Variants in CTNNA2 observed in about 807,000 individuals in gnomAD.
The protein encoded by CTNNA2 is catenin alpha 2.
CTNNA2 carries 42 observed loss-of-function variants against 101.0 expected under a neutral mutation model. The observed-to-expected ratio is 0.42, with a 90% CI of 0.32 to 0.54. The LOEUF (loss-of-function observed/expected upper bound fraction) is 0.54, where lower values mean the gene tolerates loss of function less well. CTNNA2 is among the 20% of genes least tolerant of loss of function. CTNNA2 has a pLI of 0.14. For synonymous variants in CTNNA2, 450 were observed against 456.4 expected, an observed-to-expected ratio of 0.99 and a Z score of 0.18; for missense variants, 871 against 1,223.1, an observed-to-expected ratio of 0.71 and a Z score of 4.29.
intron 4 of CTNNA2, among the ~76,000 whole-genome samples, chr2:79,408,350 A>G (rs182364020): frequency 3.0e-3 from 455 of 151,538 alleles, no homozygotes; most frequent in African/African-American, 0.011. Context: ...CATGTACACA[A>G]TGTGCAGGTT....
intron 7 of CTNNA2, among the ~76,000 whole-genome samples, chr2:80,014,024 A>G (rs1173512887): frequency 2.0e-5 from 3 of 152,200 alleles, no homozygotes; most frequent in South Asian, 4.1e-4. Flanking sequence ...AGGATTTACA[A>G]TGTAGGACTA....
At chr2:80,036,864 AGAG>A (rs1695702231) in intron 7 of CTNNA2, among the ~76,000 whole-genome samples, 2 of 151,618 alleles carry the variant, frequency 1.3e-5, no homozygotes, top group African/African-American at 4.8e-5. Context: ...AGAGAGAGAG[AGAG>A]AGAGAGAGAG....
At chr2:79,771,107 C>T (rs868167778) in intron 3 of CTNNA2, among the ~76,000 whole-genome samples, 2 of 152,140 alleles carry the variant, frequency 1.3e-5, no homozygotes, top group South Asian at 2.1e-4. Context: ...ATCAAACTAC[C>T]TATTATGTGG....
At chr2:80,582,473 C>T (rs1000833797) in intron 14 of CTNNA2, among the ~76,000 whole-genome samples, 1 of 152,026 alleles carries the variant, frequency 6.6e-6, no homozygotes, top group Non-Finnish European at 1.5e-5. Flanking sequence ...GAGAGAGTAC[C>T]AGCTCTGCCT....
At chr2:80,236,202 G>A (rs1363904007) in intron 7 of CTNNA2, among the ~76,000 whole-genome samples, 1 of 151,964 alleles carries the variant, frequency 6.6e-6, no homozygotes, top group East Asian at 1.9e-4. Context: ...TTCTTTATCT[G>A]GTCTGTCACT....
chr2:80,581,424 C>G (rs895502254), intron 13 of CTNNA2, among the ~76,000 whole-genome samples: 1 of 152,130 alleles, frequency 6.6e-6, no homozygotes, highest in African/African-American at 2.4e-5. Context: ...GGAAATAATA[C>G]ACAGATATCA....
chr2:79,432,127 T>C (rs1317359439), intron 4 of CTNNA2, among the ~76,000 whole-genome samples: 1 of 152,186 alleles, frequency 6.6e-6, no homozygotes, highest in Non-Finnish European at 1.5e-5. Context: ...AATTAGTCAG[T>C]AGCACAGGCT....
At chr2:80,501,581 TTAAAA>T (rs2149533622) in intron 9 of CTNNA2, among the ~76,000 whole-genome samples, 1 of 152,314 alleles carries the variant, frequency 6.6e-6, no homozygotes, top group African/African-American at 2.4e-5. Context: ...TATCATACCT[TTAAAA>T]TTCTCTTATG....
intron 3 of CTNNA2, among the ~76,000 whole-genome samples, chr2:79,795,635 A>T (rs1386789788): frequency 6.6e-6 from 1 of 152,186 alleles, no homozygotes; most frequent in African/African-American, 2.4e-5. Flanking sequence ...TGTTTTATAC[A>T]GGCTACATTG....
At chr2:80,093,919 G>A (rs1425850801) in intron 7 of CTNNA2, among the ~76,000 whole-genome samples, 1 of 151,818 alleles carries the variant, frequency 6.6e-6, no homozygotes, top group Non-Finnish European at 1.5e-5. Context: ...TTTGTCAGAT[G>A]AGTAGGTTGC....
At chr2:79,627,620 C>G (rs1012692927) in intron 1 of CTNNA2, among the ~76,000 whole-genome samples, 3 of 152,188 alleles carry the variant, frequency 2.0e-5, no homozygotes, top group African/African-American at 7.2e-5. Context: ...TGGTACATCT[C>G]TATTAAATCT....
chr2:80,209,323 T>C (rs973015440), intron 7 of CTNNA2, among the ~76,000 whole-genome samples: 12 of 151,722 alleles, frequency 7.9e-5, no homozygotes, highest in Admixed American at 6.6e-4. Flanking sequence ...TGCCTCAGCC[T>C]CCTGACTACC....
chr2:79,360,045 A>G (rs149077128), intron 3 of CTNNA2, among the ~76,000 whole-genome samples: 6 of 152,316 alleles, frequency 3.9e-5, no homozygotes, highest in African/African-American at 1.2e-4. Flanking sequence ...AACTATATAA[A>G]CAAAATCTCT....
At chr2:80,156,994 C>A (rs1704029584) in intron 7 of CTNNA2, among the ~76,000 whole-genome samples, 2 of 152,180 alleles carry the variant, frequency 1.3e-5, no homozygotes, top group African/African-American at 2.4e-5. Flanking sequence ...CTACCCCTCT[C>A]CATGAGACTT....
Position 80,555,770 on chromosome 2 carries a change from GCAGGGGCCAT to G in CTNNA2, c.1627_1636del (p.Ile543GlyfsTer36). 1 of 1,599,810 alleles carries G rather than the reference GCAGGGGCCAT, an allele frequency of 6.3e-7. No individual in the cohort carries two copies. Among genetic ancestry groups the G allele is most frequent in the Non-Finnish European group, 8.5e-7 (1 of 1,173,344 alleles). Reference sequence around the variant, plus strand: ...CGATGTGGACACTCTGGACCGGACTGCAGGGGCCATCAGGGGCCGGGCAGCTCGAGTCATA... The same window carrying G: ...CGATGTGGACACTCTGGACCGGACTGCAGGGGCCGGGCAGCTCGAGTCATA... On this transcript the variant is annotated frameshift_variant, in exon 12 of 19. Transcript: ENST00000402739. LOFTEE classifies it high-confidence loss of function.
At chr2:79,242,252 A>G (rs754775603) in intron 2 of CTNNA2, among the ~76,000 whole-genome samples, 5 of 152,088 alleles carry the variant, frequency 3.3e-5, no homozygotes, top group Non-Finnish European at 5.9e-5. Flanking sequence ...TTCTTATTCT[A>G]GTCTAGAATA....
At chr2:79,911,278 A>G (rs1685778247) in intron 7 of CTNNA2, among the ~76,000 whole-genome samples, 1 of 152,242 alleles carries the variant, frequency 6.6e-6, no homozygotes, top group South Asian at 2.1e-4. Flanking sequence ...GCAAAGGGCT[A>G]ATTACATGGA....
At chr2:80,564,699 G>A (rs1693898764) in intron 12 of CTNNA2, among the ~76,000 whole-genome samples, 1 of 152,204 alleles carries the variant, frequency 6.6e-6, no homozygotes. Flanking sequence ...AGAGGTAACA[G>A]ATGATTGACT....
Position 79,909,728 on chromosome 2 carries a change from G to A in CTNNA2, c.987G>A (p.Glu329=). Residue 329 remains glutamate (E), a synonymous_variant, in exon 7 of 19, where the codon GAG becomes GAA. Transcript: ENST00000402739. The stretch of plus-strand genomic sequence containing the variant: ...CCTGCACGCGAGACGACCGGCGCGA[G>A]AGGATCGTGGCGGAGTGCAACGCCG... ...DSSCTRDDRR[E]RIVAECNAVR... 6.2e-7 allele frequency: 1 copy of A among 1,613,916 alleles called. No individual in the cohort carries two copies. The highest frequency in any genetic ancestry group is 8.5e-7 in the Non-Finnish European group (1 of 1,179,884).
Sources: allele counts gnomAD v4.1 joint callset (sites outside exome capture counted in the v4.1 genomes callset), GRCh38; gene constraint gnomAD v4.1.1; transcripts MANE v1.5; gene names NCBI Gene and HGNC (gene_info 2026-07-23, HGNC 2026-07-21).